Variants in TNFRSF19 observed in about 807,000 individuals in gnomAD.
The protein encoded by TNFRSF19 is tumor necrosis factor receptor superfamily member 19.
In TNFRSF19, 27 loss-of-function variants were observed where a neutral mutation model predicts 46.4. The ratio of observed to expected loss-of-function variants is 0.58; its 90% confidence interval spans 0.43 to 0.80. The LOEUF is 0.80. Among genes scored for constraint, TNFRSF19 ranks in the 30% least tolerant of loss-of-function variants. The pLI, the probability that TNFRSF19 is intolerant of heterozygous loss-of-function variation, is 0.00. For missense variants in TNFRSF19, 511 were observed against 530.8 expected, an observed-to-expected ratio of 0.96 and a Z score of 0.37; for synonymous variants, 204 against 205.0, an observed-to-expected ratio of 1.00 and a Z score of 0.04.
intron 3 of TNFRSF19, among the ~76,000 whole-genome samples, chr13:23,607,302 T>G (rs1205081885): frequency 6.6e-6 from 1 of 152,026 alleles, no homozygotes. Flanking sequence ...GGTGTGGTGG[T>G]GGGCGCCTTT....
In TNFRSF19 at chr13:23,674,876, T is replaced by C. The variant is rs1951807631; in HGVS notation, c.*1496T>C. 1 of 152,188 alleles carries C rather than the reference T, an allele frequency of 6.6e-6. No homozygotes were observed. Among genetic ancestry groups the C allele is most frequent in the South Asian group, 2.1e-4 (1 of 4,830 alleles). 9.4% of individuals were successfully genotyped at this position (152,188 alleles called of 1,614,324 possible). On this transcript the variant is annotated 3_prime_UTR_variant, in exon 10 of 10. Transcript: ENST00000248484. ...CTCTGTTTGTGACAGATTAGTAAAA[T>C]TTAATGAGCCCTCTTTCTTGTGGCC...
intron 5 of TNFRSF19, among the ~76,000 whole-genome samples, chr13:23,643,888 T>C (rs146650358): frequency 4.6e-5 from 7 of 152,360 alleles, no homozygotes; most frequent in Non-Finnish European, 1.0e-4. Context: ...TTCACTTTAC[T>C]TACCCTGGCT....
chr13:23,655,524 T>C (rs1311404475), intron 5 of TNFRSF19, among the ~76,000 whole-genome samples: 1 of 152,216 alleles, frequency 6.6e-6, no homozygotes, highest in African/African-American at 2.4e-5. Context: ...AATTCCTGGC[T>C]GGCATTCAGT....
intron 3 of TNFRSF19, among the ~76,000 whole-genome samples, chr13:23,613,548 T>C (rs761854145): frequency 7.2e-5 from 11 of 152,228 alleles, no homozygotes; most frequent in East Asian, 3.8e-4. Context: ...TTCTCCTCCT[T>C]CTTCTTTTCC....
intron 1 of TNFRSF19, among the ~76,000 whole-genome samples, chr13:23,586,637 T>C (rs1878863811): frequency 6.6e-6 from 1 of 152,218 alleles, no homozygotes; most frequent in African/African-American, 2.4e-5. Flanking sequence ...GGGGTGTGCA[T>C]TATAACACCT....
intron 5 of TNFRSF19, among the ~76,000 whole-genome samples, chr13:23,644,644 G>A (rs1302530333): frequency 6.6e-6 from 1 of 152,206 alleles, no homozygotes; most frequent in Admixed American, 6.5e-5. Flanking sequence ...ACGATATCAG[G>A]CACTAGCTTG....
chr13:23,636,543 G>A (rs1233427505), intron 5 of TNFRSF19, among the ~76,000 whole-genome samples: 1 of 152,170 alleles, frequency 6.6e-6, no homozygotes, highest in Non-Finnish European at 1.5e-5. Flanking sequence ...AAAACCACAG[G>A]CCAACTTCCC....
intron 1 of TNFRSF19, among the ~76,000 whole-genome samples, chr13:23,589,031 G>A (rs1000195852): frequency 6.6e-6 from 1 of 152,202 alleles, no homozygotes; most frequent in African/African-American, 2.4e-5. Context: ...CTCCTTGGTT[G>A]TTGTCGTTGT....
chr13:23,615,447 A>G lies in TNFRSF19; in HGVS notation c.181-420A>G, dbSNP rs541151152. On this transcript the variant is annotated intron_variant, in intron 3 of 9. Transcript: ENST00000248484. ...TGAAATTTCTTATGCACTTATCCTC[A>G]TTTTTGAAAATAACACCCCTGATAT... 2.0e-5 allele frequency among the ~76,000 whole-genome samples: 3 copies of G among 152,270 alleles called. No individual in the cohort carries two copies. The South Asian group carries it at 6.2e-4, about 32-fold the overall frequency.
In TNFRSF19 at chr13:23,662,848, A is replaced by G. The variant is rs147795648; in HGVS notation, c.736+2358A>G. Among the ~76,000 whole-genome samples, 69 of 152,202 alleles carry G rather than the reference A, an allele frequency of 4.5e-4. No individual in the cohort carries two copies. In the East Asian group the frequency reaches 0.011, roughly 25 times the overall value. ...TTGTTGGTGTAGAAGAATACTAATGATTTTTGTACGTAGATTTTGTATCCT... is the reference window on the plus strand; with the variant it reads ...TTGTTGGTGTAGAAGAATACTAATGGTTTTTGTACGTAGATTTTGTATCCT... On this transcript the variant is annotated intron_variant, in intron 7 of 9. Transcript: ENST00000248484.
intron 1 of TNFRSF19, among the ~76,000 whole-genome samples, chr13:23,574,185 C>T (rs1877810802): frequency 6.6e-6 from 1 of 151,832 alleles, no homozygotes; most frequent in South Asian, 2.1e-4. Context: ...CATAATAGGG[C>T]TTATCACCCT....
intron 9 of TNFRSF19, among the ~76,000 whole-genome samples, chr13:23,671,475 C>G (rs1951760877): frequency 6.6e-6 from 1 of 150,660 alleles, no homozygotes; most frequent in Non-Finnish European, 1.5e-5. Context: ...TATTTTGAGC[C>G]CATTTTACGA....
chr13:23,610,087 C>T (rs1461834187), intron 3 of TNFRSF19, among the ~76,000 whole-genome samples: 1 of 152,250 alleles, frequency 6.6e-6, no homozygotes, highest in Non-Finnish European at 1.5e-5. Context: ...CAAATAACTT[C>T]TCCATCCACA....
In TNFRSF19 at chr13:23,674,774, A is replaced by G. The variant is rs1951805944; in HGVS notation, c.*1394A>G. On this transcript the variant is annotated 3_prime_UTR_variant, in exon 10 of 10. Coordinates refer to ENST00000248484, the MANE Select transcript of TNFRSF19 (RefSeq NM_148957.4). Reference sequence around the variant, plus strand: ...TGCCCTGCCCAAGTCACTGTCTTTTAACTTTTAAACTGAATATTAAAATGT... The same window carrying G: ...TGCCCTGCCCAAGTCACTGTCTTTTGACTTTTAAACTGAATATTAAAATGT... The G allele has an allele frequency of 6.6e-6, 1 of 152,214 alleles. No homozygotes were observed. The highest frequency in any genetic ancestry group is 1.5e-5 in the Non-Finnish European group (1 of 68,038). The allele number at this position is 152,214 out of a possible 1,614,324, so 9.4% of individuals were successfully genotyped here. A position where few individuals can be genotyped will look rare whatever the true frequency, so the allele number is the denominator to read the frequency against.
At chr13:23,610,612 A>AT (rs1566182722) in intron 3 of TNFRSF19, among the ~76,000 whole-genome samples, 2 of 151,662 alleles carry the variant, frequency 1.3e-5, no homozygotes, top group African/African-American at 2.4e-5. Flanking sequence ...GCTCCCTAGG[A>AT]TTTTTTTAAA....
At chr13:23,588,601 A>C (rs1879015553) in intron 1 of TNFRSF19, among the ~76,000 whole-genome samples, 1 of 152,098 alleles carries the variant, frequency 6.6e-6, no homozygotes, top group Non-Finnish European at 1.5e-5. Context: ...TTTTAATTCC[A>C]CCTAAATTAC....
At position 23,624,314 on chromosome 13, in the gene TNFRSF19, G is replaced by A. The variant is rs1318197815; in HGVS notation, c.360-2393G>A. 2.8e-4 allele frequency among the ~76,000 whole-genome samples: 43 copies of A among 151,616 alleles called. 1 individual carries two copies. The highest frequency in any genetic ancestry group is 2.8e-3 in the Admixed American group (43 of 15,218). Reference sequence around the variant, plus strand: ...ATTAAGTTTTGAAATCAGGAAGTATGAGTCCTCGAACTTTGTTTTTTTTTT... The same window carrying A: ...ATTAAGTTTTGAAATCAGGAAGTATAAGTCCTCGAACTTTGTTTTTTTTTT... On this transcript the variant is annotated intron_variant, in intron 4 of 9. Coordinates refer to ENST00000248484, the MANE Select transcript of TNFRSF19 (RefSeq NM_148957.4).
In TNFRSF19 at chr13:23,593,267, G is replaced by T. The variant is rs146346071; in HGVS notation, c.70-78G>T. ...ATTCAGTGATTGTGTGACTAATATT[G>T]AAAATATTGTTCCTTTCTTGCAAAA... On this transcript the variant is annotated intron_variant, in intron 2 of 9. Coordinates refer to ENST00000248484, the MANE Select transcript of TNFRSF19 (RefSeq NM_148957.4). 5.0e-4 allele frequency: 400 copies of T among 803,358 alleles called. 2 individuals are homozygous for T. The East Asian group carries it at 0.011, about 21-fold the overall frequency. 49.8% of individuals were successfully genotyped at this position (803,358 alleles called of 1,614,324 possible). A position where few individuals can be genotyped will look rare whatever the true frequency, so the allele number is the denominator to read the frequency against.
chr13:23,640,974 T>G (rs1459080653), intron 5 of TNFRSF19, among the ~76,000 whole-genome samples: 1 of 152,238 alleles, frequency 6.6e-6, no homozygotes, highest in Non-Finnish European at 1.5e-5. Flanking sequence ...TTCTTGTTGC[T>G]ACATGGTTAA....
Sources: gnomAD v4.1 joint callset for allele counts (sites outside exome capture counted in the v4.1 genomes callset) on GRCh38, gnomAD v4.1.1 for gene constraint, MANE v1.5 for transcripts, NCBI Gene and HGNC (gene_info 2026-07-23, HGNC 2026-07-21) for gene names.